The following ADNP variants were observed in gnomAD, a reference collection of about 807,000 sequenced individuals.
The protein encoded by ADNP is activity dependent neuroprotector homeobox, also known as activity-dependent neuroprotector homeobox protein.
In ADNP, 4 loss-of-function variants were observed where a neutral mutation model predicts 84.9. The ratio of observed to expected loss-of-function variants is 0.05; its 90% CI spans 0.02 to 0.11. The LOEUF is 0.11. Ranked by LOEUF, ADNP falls within the 10% of genes least tolerant of loss-of-function variation. The probability of loss-of-function intolerance (pLI) is 1.00; values close to 1 mark genes in which losing one functional copy is unlikely to be tolerated. For synonymous variants in ADNP, 554 were observed against 468.1 expected (o/e 1.18, Z -2.37); for missense variants, 1,132 against 1,326.0 (o/e 0.85, Z 2.27).
At chr20:50,901,312 T>C (rs1203036400) in intron 5 of ADNP, among the ~76,000 whole-genome samples, 1 of 111,722 alleles carries the variant, frequency 9.0e-6, no homozygotes, top group African/African-American at 3.3e-5. Context: ...TAACTTTGCC[T>C]GGGGTATTTA....
At chr20:50,920,554 TAAAAAAAAAAAAAA>T (rs577700827) in intron 2 of ADNP, among the ~76,000 whole-genome samples, 1 of 129,836 alleles carries the variant, frequency 7.7e-6, no homozygotes, top group South Asian at 2.5e-4. Context: ...TGGACTCCAT[TAAAAAAAAAAAAAA>T]AGCCTGGAGG....
chr20:50,899,047 A>T (rs1981695731), intron 5 of ADNP, among the ~76,000 whole-genome samples: 1 of 152,134 alleles, frequency 6.6e-6, no homozygotes, highest in African/African-American at 2.4e-5. Context: ...TGAACTGCTT[A>T]TATGTGGATT....
At chr20:50,925,263 T>TACACACACACAC (rs57985341) in intron 2 of ADNP, among the ~76,000 whole-genome samples, 2,422 of 149,070 alleles carry the variant, frequency 0.016, 36 homozygotes, top group African/African-American at 0.039. Flanking sequence ...TGACTTCCTA[T>TACACACACACAC]ACACACACAC....
intron 2 of ADNP, among the ~76,000 whole-genome samples, chr20:50,919,111 C>T (rs920688790): frequency 3.3e-5 from 5 of 151,902 alleles, no homozygotes; most frequent in South Asian, 2.1e-4. Flanking sequence ...TATCTTTCAG[C>T]ACGTTCATTT....
At chr20:50,923,211 A>G (rs1984071796) in intron 2 of ADNP, among the ~76,000 whole-genome samples, 1 of 152,206 alleles carries the variant, frequency 6.6e-6, no homozygotes, top group Non-Finnish European at 1.5e-5. Context: ...TTTCAGAAGC[A>G]TGCCAAGTCT....
chr20:50,905,476 T>A (rs1302206383), intron 2 of ADNP: 2 of 152,226 alleles, frequency 1.3e-5, no homozygotes, highest in African/African-American at 4.8e-5. Context: ...TTTATTATTC[T>A]AATCCAAAAT....
chr20:50,909,201 C>T (rs1982788271), intron 2 of ADNP, among the ~76,000 whole-genome samples: 1 of 151,502 alleles, frequency 6.6e-6, no homozygotes, highest in Admixed American at 6.6e-5. Context: ...CCCGTCTCTG[C>T]TAAAAATACA....
In ADNP at chr20:50,892,047, A is replaced by T. The variant is rs750568080; in HGVS notation, c.2667T>A (p.Ser889Arg). 4.5e-5 allele frequency: 73 copies of T among 1,614,216 alleles called. 1 individual carries two copies. The highest frequency in any genetic ancestry group is 3.3e-4 in the Middle Eastern group (2 of 6,062). ...CAAAAACAGGGTCAAAAGGGCTACC[A>T]CTTTCATTGGATTCTTCTTCCAAAT... is the stretch of plus-strand genomic sequence containing the variant. ...FENLEEESNE[S>R]GSPFDPVFEV... Residue 889 changes from serine (S) to arginine (R), a missense_variant, in exon 6 of 6, where the codon AGT (serine) becomes AGA (arginine). This residue lies in a region of ADNP where 381 missense variants were observed against 319.9 expected (regional missense o/e 1.19). Transcript: ENST00000621696.
At chr20:50,900,174 A>G (rs1182106405) in intron 5 of ADNP, among the ~76,000 whole-genome samples, 1 of 152,098 alleles carries the variant, frequency 6.6e-6, no homozygotes, top group Non-Finnish European at 1.5e-5. Context: ...TTGCATTTTT[A>G]CTGTACCTTT....
intron 2 of ADNP, chr20:50,909,780 G>C (rs1982866680): frequency 1.3e-5 from 2 of 152,204 alleles, no homozygotes; most frequent in Admixed American, 1.3e-4. Context: ...AGTTTGACTA[G>C]TTAAGAATAT....
Position 50,891,589 on chromosome 20 carries a change from T to C in ADNP, c.3125A>G (p.Lys1042Arg). ...SYGKVEGFWS[K>R]DQSQWKNASE... The stretch of plus-strand genomic sequence containing the variant: ...TGCATTCTTCCACTGTGACTGGTCC[T>C]TAGACCAAAACCCTTCAACTTTTCC... Residue 1042 changes from lysine to arginine, a missense_variant, in exon 6 of 6, where the codon AAG becomes AGG. By Grantham distance (26) the Lys-to-Arg change is conservative. Transcript: ENST00000621696. 2.5e-6 allele frequency: 4 copies of C among 1,613,464 alleles called. No individual in the cohort carries two copies. Among genetic ancestry groups the C allele is most frequent in the Middle Eastern group, 1.6e-4 (1 of 6,062 alleles).
At chr20:50,912,121 C>T (rs993627260) in intron 2 of ADNP, among the ~76,000 whole-genome samples, 1 of 152,122 alleles carries the variant, frequency 6.6e-6, no homozygotes, top group African/African-American at 2.4e-5. Context: ...CTGGTTAACA[C>T]CTAAACATAA....
chr20:50,893,296 T>G lies in ADNP; in HGVS notation c.1418A>C (p.Lys473Thr). 1 of 1,614,264 alleles carries G rather than the reference T, an allele frequency of 6.2e-7. No homozygotes were observed. The highest frequency in any genetic ancestry group is 8.5e-7 in the Non-Finnish European group (1 of 1,180,042). Residue 473 changes from lysine (K) to threonine (T), a missense_variant, in exon 6 of 6, where the codon AAA becomes ACA. Physicochemically the swap from Lys to Thr is moderately conservative, Grantham distance 78. This residue lies in a region of ADNP where 87 missense variants were observed against 181.4 expected (regional missense o/e 0.48). Transcript: ENST00000621696. The surrounding 1 kb of genome is among the most constrained non-coding windows in gnomAD (Gnocchi z 4.4). ...VHFEKEHKAE[K>T]VPAVANYIMK... is the part of the protein sequence containing the mutation. ...AATGTAGTTGGCTACTGCTGGGACT[T>G]TCTCAGCTTTATGTTCTTTTTCGAA...
At chr20:50,913,513 G>C (rs1983252645) in intron 2 of ADNP, among the ~76,000 whole-genome samples, 2 of 152,066 alleles carry the variant, frequency 1.3e-5, no homozygotes, top group Admixed American at 1.3e-4. Context: ...TTAAACCAAT[G>C]ATCTAACTAA....
At chr20:50,902,209 C>A (rs1481266849) in intron 4 of ADNP, 100 bp from the exon 5 acceptor site, 1 of 827,808 alleles carries the variant, frequency 1.2e-6, no homozygotes, top group Non-Finnish European at 2.0e-6. Context: ...GGGAGAGGCA[C>A]AGGAAAACCA....
chr20:50,902,162 C>G, intron 4 of ADNP, 53 bp from the exon 5 acceptor site: 1 of 1,318,012 alleles, frequency 7.6e-7, no homozygotes. Flanking sequence ...AACGCTAACC[C>G]AATCTTACAT....
chr20:50,898,475 T>C (rs769735212), intron 5 of ADNP, among the ~76,000 whole-genome samples: 4 of 152,222 alleles, frequency 2.6e-5, no homozygotes, highest in Non-Finnish European at 5.9e-5. Context: ...AGGCCCTTCT[T>C]GAATTTTTGT....
chr20:50,891,905 C>G lies in ADNP; in HGVS notation c.2809G>C (p.Glu937Gln), dbSNP rs184697035. 1 of 1,614,068 alleles carries G rather than the reference C, an allele frequency of 6.2e-7. No individual in the cohort carries two copies. The highest frequency in any genetic ancestry group is 1.1e-5 in the South Asian group (1 of 91,084). ...GGTTCCTCAGTCAAATGAATAGTTT[C>G]GTATTTTGAACCATCCTCTTTTTGG... ...LDQKEDGSKY[E>Q]TIHLTEEPTK... The change falls in exon 6 of 6, where the codon GAA becomes CAA. Residue 937 changes from glutamate to glutamine, a missense_variant. Transcript: ENST00000621696.
intron 2 of ADNP, among the ~76,000 whole-genome samples, chr20:50,925,710 G>A (rs372352770): frequency 8.5e-5 from 13 of 152,154 alleles, no homozygotes; most frequent in African/African-American, 9.7e-5. Flanking sequence ...TTCAAACACC[G>A]AGTTTCCAAA....
Sources: allele counts gnomAD v4.1 joint callset (sites outside exome capture counted in the v4.1 genomes callset), GRCh38; gene constraint gnomAD v4.1.1; regional missense constraint gnomAD v4.1.1; non-coding constraint Gnocchi (gnomAD v3.1); transcripts MANE v1.5; gene names NCBI Gene and HGNC (gene_info 2026-07-23, HGNC 2026-07-21).